The following UNC93A variants were observed in gnomAD, a reference collection of about 807,000 sequenced individuals.
UNC93A encodes N-acetylglucosamine transporter UNC93A.
In UNC93A, 43 loss-of-function variants were observed where a neutral mutation model predicts 47.5. The observed-to-expected ratio is 0.91, with a 90% CI of 0.71 to 1.17. UNC93A has a LOEUF of 1.17. UNC93A is among the 50% of genes most tolerant of loss of function. The pLI is 0.00. For missense variants in UNC93A, 605 were observed against 577.6 expected, an observed-to-expected ratio of 1.05 and a Z score of -0.49; for synonymous variants, 280 against 258.0, an observed-to-expected ratio of 1.09 and a Z score of -0.82.
At chr6:167,273,743 A>C (rs1783490991) in intron 1 of UNC93A, among the ~76,000 whole-genome samples, 1 of 152,152 alleles carries the variant, frequency 6.6e-6, no homozygotes, top group Non-Finnish European at 1.5e-5. Context: ...GTGGCACACC[A>C]GGAAGCAGGG....
intron 6 of UNC93A, among the ~76,000 whole-genome samples, chr6:167,306,354 G>A (rs1734838862): frequency 1.3e-5 from 2 of 152,196 alleles, no homozygotes; most frequent in Admixed American, 6.5e-5. Flanking sequence ...CAGGGTCTCT[G>A]CAGGTGCAAA....
rs919242998 is a variant in UNC93A at position 167,307,909 on chromosome 6, T to C, written c.1107T>C (p.Asn369=). The C allele has an allele frequency of 1.9e-6, 3 of 1,613,234 alleles. No individual in the cohort carries two copies. The highest frequency in any genetic ancestry group is 2.5e-6 in the Non-Finnish European group (3 of 1,179,562). Residue 369 remains asparagine (N), a splice_region_variant and synonymous_variant, in exon 7 of 8, where the codon AAT becomes AAC. Transcript: ENST00000230256. ...ATGCCGTCTGGCAGACACAAAACAA[T>C]GGTGAGTCCCCAGCCCAGGCCCCTT... ...VADAVWQTQN[N]ALYGVLFEKS...
At chr6:167,274,410 T>C (rs1470550890) in intron 1 of UNC93A, among the ~76,000 whole-genome samples, 1 of 152,200 alleles carries the variant, frequency 6.6e-6, no homozygotes, top group East Asian at 1.9e-4. Context: ...TCTAGATGTG[T>C]GTAGTGATAC....
chr6:167,275,901 T>A (rs1468832403), intron 1 of UNC93A, among the ~76,000 whole-genome samples: 1 of 152,176 alleles, frequency 6.6e-6, no homozygotes, highest in Non-Finnish European at 1.5e-5. Context: ...ACTCTGGTTA[T>A]CCTGCAGTGG....
intron 5 of UNC93A, among the ~76,000 whole-genome samples, chr6:167,305,672 C>T (rs2072766): frequency 0.64 from 97,276 of 152,016 alleles, 31,254 homozygotes; most frequent in South Asian, 0.79. Context: ...GTGAGAAATA[C>T]ATGAGAAAGA....
upstream of UNC93A, among the ~76,000 whole-genome samples, chr6:167,270,265 G>A (rs1447209153): frequency 6.6e-6 from 1 of 152,180 alleles, no homozygotes. Flanking sequence ...GTTAATGGCT[G>A]TTGTGAAGCT....
At chr6:167,295,309 A>G (rs1199098611) in intron 2 of UNC93A, among the ~76,000 whole-genome samples, 1 of 152,210 alleles carries the variant, frequency 6.6e-6, no homozygotes, top group Non-Finnish European at 1.5e-5. Flanking sequence ...GTAGCTGCAG[A>G]GTCTTACATG....
chr6:167,315,299 G>C lies in UNC93A; in HGVS notation c.1221G>C (p.Val407=). The change falls in exon 8 of 8, where the codon GTG becomes GTC. Residue 407 remains valine (V), a synonymous_variant. Coordinates refer to ENST00000230256, the MANE Select transcript of UNC93A (RefSeq NM_018974.4). ...IAFGYSMFLC[V]HVKLYILLGV... is the part of the protein sequence containing the mutation. ...TCGGGTACAGCATGTTTTTGTGCGT[G>C]CACGTCAAGCTCTACATTCTGCTGG... 1 of 1,613,804 alleles carries C rather than the reference G, an allele frequency of 6.2e-7. No homozygotes were observed. The highest frequency in any genetic ancestry group is 1.1e-5 in the South Asian group (1 of 91,044).
At chr6:167,284,823 A>G (rs138944157) in intron 1 of UNC93A, among the ~76,000 whole-genome samples, 135 of 150,070 alleles carry the variant, frequency 9.0e-4, no homozygotes, top group Middle Eastern at 3.4e-3. Flanking sequence ...GTGCGTTGCC[A>G]AATCGTGGCT....
chr6:167,291,391 C>A lies in UNC93A; in HGVS notation c.-99C>A. On this transcript the variant is annotated 5_prime_UTR_variant, in exon 1 of 8. Transcript: ENST00000230256. ...AGCTCAGATGAGAGAGAGAATGGGA[C>A]TTCTTGGTACTGATTGTTTTTCCCA... The A allele has an allele frequency of 2.0e-6, 2 of 983,362 alleles. No homozygotes were observed. Among genetic ancestry groups the A allele is most frequent in the Non-Finnish European group, 1.5e-6 (1 of 655,028 alleles). The allele number at this position is 983,362 out of a possible 1,614,324, so 60.9% of individuals were successfully genotyped here.
intron 1 of UNC93A, among the ~76,000 whole-genome samples, chr6:167,272,452 T>C (rs1398256864): frequency 1.3e-5 from 2 of 152,220 alleles, no homozygotes; most frequent in Non-Finnish European, 2.9e-5. Context: ...GTAAAATATT[T>C]GAAGAGATTT....
intron 7 of UNC93A, among the ~76,000 whole-genome samples, chr6:167,314,789 T>A (rs908614016): frequency 6.6e-6 from 1 of 152,194 alleles, no homozygotes; most frequent in Non-Finnish European, 1.5e-5. Flanking sequence ...TACCTTTGCT[T>A]GGAGTTGTCT....
Position 167,291,513 on chromosome 6 carries a change from C to G in UNC93A, c.24C>G (p.Val8=), listed in dbSNP as rs754551076. Residue 8 remains valine (V), a synonymous_variant, in exon 1 of 8, where the codon GTC becomes GTG. Coordinates refer to ENST00000230256, the MANE Select transcript of UNC93A (RefSeq NM_018974.4). MDRSLRN[V]LVVSFGFLLL... ...CAATGGACAGAAGTCTAAGGAACGT[C>G]CTTGTGGTTTCCTTTGGGTTCCTGC... 1.9e-6 allele frequency: 3 copies of G among 1,613,982 alleles called. No individual in the cohort carries two copies. The Admixed American group carries it at 5.0e-5, about 27-fold the overall frequency.
chr6:167,283,474 G>A (rs181131444), intron 1 of UNC93A, among the ~76,000 whole-genome samples: 29 of 152,268 alleles, frequency 1.9e-4, no homozygotes, highest in African/African-American at 7.0e-4. Context: ...CTGAAAAGAG[G>A]GGTCCATTCA....
At chr6:167,280,937 A>G (rs1385996688) in intron 1 of UNC93A, among the ~76,000 whole-genome samples, 1 of 152,192 alleles carries the variant, frequency 6.6e-6, no homozygotes, top group Non-Finnish European at 1.5e-5. Flanking sequence ...AGCATTTAGA[A>G]TCATCTTCAA....
chr6:167,273,573 C>T (rs1232635184), intron 1 of UNC93A, among the ~76,000 whole-genome samples: 5 of 152,212 alleles, frequency 3.3e-5, no homozygotes, highest in South Asian at 2.1e-4. Flanking sequence ...GAGATTTATT[C>T]TGAGCCAAAC....
At chr6:167,290,166 C>T (rs977394971), upstream of UNC93A, among the ~76,000 whole-genome samples, 7 of 152,170 alleles carry the variant, frequency 4.6e-5, no homozygotes, top group Non-Finnish European at 5.9e-5. Context: ...GGTGTGAACC[C>T]GTGGAGCTCA....
upstream of UNC93A, among the ~76,000 whole-genome samples, chr6:167,287,385 T>G (rs1783756273): frequency 6.6e-6 from 1 of 152,138 alleles, no homozygotes; most frequent in African/African-American, 2.4e-5. Context: ...CACCCCATAC[T>G]CCCTATCGTC....
upstream of UNC93A, among the ~76,000 whole-genome samples, chr6:167,286,558 G>T (rs1156632020): frequency 3.9e-5 from 6 of 152,214 alleles, no homozygotes; most frequent in African/African-American, 7.2e-5. Flanking sequence ...AGTTCAAATT[G>T]TATGGATGTT....
Sources: gnomAD v4.1 joint callset for allele counts (sites outside exome capture counted in the v4.1 genomes callset) on GRCh38, gnomAD v4.1.1 for gene constraint, MANE v1.5 for transcripts, NCBI Gene and HGNC (gene_info 2026-07-23, HGNC 2026-07-21) for gene names.